Variants in SNTG1 observed in about 807,000 individuals in gnomAD.
SNTG1 encodes the protein syntrophin gamma 1, also known as gamma-1-syntrophin.
In SNTG1, 39 loss-of-function variants were observed where a neutral mutation model predicts 74.7. That is an observed-to-expected ratio of 0.52 (90% CI 0.40 to 0.68). The LOEUF (loss-of-function observed/expected upper bound fraction) is 0.68. Ranked by LOEUF, SNTG1 falls within the 30% of genes least tolerant of loss-of-function variation. SNTG1 has a pLI of 0.00. For missense variants in SNTG1, 685 were observed against 609.5 expected, an observed-to-expected ratio of 1.12 and a Z score of -1.30; for synonymous variants, 254 against 217.1, an observed-to-expected ratio of 1.17 and a Z score of -1.49.
intron 2 of SNTG1, among the ~76,000 whole-genome samples, chr8:50,323,876 C>T (rs960043123): frequency 6.6e-6 from 1 of 152,062 alleles, no homozygotes; most frequent in African/African-American, 2.4e-5. Context: ...TAACAATTTA[C>T]CAGGTGTTCT....
At chr8:50,117,139 A>C (rs2080850433) in intron 1 of SNTG1, among the ~76,000 whole-genome samples, 1 of 151,974 alleles carries the variant, frequency 6.6e-6, no homozygotes. Flanking sequence ...TGCTTGAAAA[A>C]GTTCTAATCA....
At chr8:50,400,409 G>A (rs1347231718) in intron 3 of SNTG1, among the ~76,000 whole-genome samples, 1 of 152,092 alleles carries the variant, frequency 6.6e-6, no homozygotes, top group Non-Finnish European at 1.5e-5. Flanking sequence ...ATCCATTCAT[G>A]TGTTGATGGG....
chr8:50,475,832 GA>G (rs1307881316), intron 8 of SNTG1, among the ~76,000 whole-genome samples: 2 of 152,194 alleles, frequency 1.3e-5, no homozygotes, highest in African/African-American at 4.8e-5. Flanking sequence ...CTTTGGAAAT[GA>G]GGAAAAATTG....
chr8:50,181,118 C>T (rs1804853757), intron 2 of SNTG1, among the ~76,000 whole-genome samples: 1 of 152,112 alleles, frequency 6.6e-6, no homozygotes, highest in Admixed American at 6.5e-5. Context: ...GTACTTCTCC[C>T]TCCTAGTCAC....
intron 2 of SNTG1, among the ~76,000 whole-genome samples, chr8:50,230,791 A>G (rs887824452): frequency 4.0e-5 from 6 of 151,196 alleles, no homozygotes; most frequent in Non-Finnish European, 7.4e-5. Context: ...ACACTGTAAA[A>G]CTACTAGAAG....
At chr8:50,264,574 T>TA (rs202042526) in intron 2 of SNTG1, among the ~76,000 whole-genome samples, 97 of 96,598 alleles carry the variant, frequency 1.0e-3, no homozygotes, top group African/African-American at 1.1e-3. Flanking sequence ...CGTCTCAAAA[T>TA]AAAAAAAAAA....
At chr8:50,388,689 T>A (rs1370191815) in intron 2 of SNTG1, among the ~76,000 whole-genome samples, 1 of 152,164 alleles carries the variant, frequency 6.6e-6, no homozygotes, top group Non-Finnish European at 1.5e-5. Flanking sequence ...GGAGGCAGAA[T>A]TTCTTCTACA....
chr8:50,425,310 G>A (rs1159773904), intron 4 of SNTG1, among the ~76,000 whole-genome samples: 1 of 150,926 alleles, frequency 6.6e-6, no homozygotes, highest in Non-Finnish European at 1.5e-5. Flanking sequence ...ATGCTTTACG[G>A]TCTGAGCTCT....
At chr8:50,207,103 C>T (rs1410903878) in intron 2 of SNTG1, among the ~76,000 whole-genome samples, 1 of 152,120 alleles carries the variant, frequency 6.6e-6, no homozygotes, top group Non-Finnish European at 1.5e-5. Context: ...GGAGGATTCC[C>T]TCTTTTTCTA....
intron 2 of SNTG1, among the ~76,000 whole-genome samples, chr8:50,312,974 T>G (rs1239333898): frequency 6.7e-6 from 1 of 149,770 alleles, no homozygotes; most frequent in African/African-American, 2.5e-5. Context: ...TGTTAAAATG[T>G]CCATACTACC....
chr8:50,331,252 T>C (rs1036512266), intron 2 of SNTG1, among the ~76,000 whole-genome samples: 3 of 152,164 alleles, frequency 2.0e-5, no homozygotes, highest in African/African-American at 7.2e-5. Context: ...AGTGTGTCTT[T>C]ACAGCAGCAC....
At chr8:50,106,527 A>C (rs1360101662) in intron 1 of SNTG1, among the ~76,000 whole-genome samples, 1 of 152,110 alleles carries the variant, frequency 6.6e-6, no homozygotes, top group East Asian at 1.9e-4. Flanking sequence ...TTGCTCATTC[A>C]ATGATGTTGA....
At chr8:50,487,378 C>T (rs889569850) in intron 8 of SNTG1, among the ~76,000 whole-genome samples, 1 of 152,170 alleles carries the variant, frequency 6.6e-6, no homozygotes, top group African/African-American at 2.4e-5. Flanking sequence ...GCTATAAAGA[C>T]ACATGCACAC....
intron 8 of SNTG1, among the ~76,000 whole-genome samples, chr8:50,452,159 GT>G (rs1563406513): frequency 2.0e-5 from 3 of 152,102 alleles, no homozygotes; most frequent in African/African-American, 7.2e-5. Flanking sequence ...ACTAATCAAG[GT>G]TTTTTAGTAT....
At chr8:50,552,635 T>A (rs1394149703) in intron 11 of SNTG1, among the ~76,000 whole-genome samples, 2 of 152,340 alleles carry the variant, frequency 1.3e-5, no homozygotes, top group Middle Eastern at 6.8e-3. Context: ...TTTTATTGCC[T>A]GTTTTTACGA....
intron 15 of SNTG1, among the ~76,000 whole-genome samples, chr8:50,702,558 AT>A (rs1435503223): frequency 6.6e-6 from 1 of 152,252 alleles, no homozygotes; most frequent in Non-Finnish European, 1.5e-5. Context: ...TGGGTGTTTA[AT>A]AATGATACAC....
chr8:50,117,495 TCA>T (rs1385959572), intron 1 of SNTG1, among the ~76,000 whole-genome samples: 3 of 152,118 alleles, frequency 2.0e-5, no homozygotes, highest in South Asian at 4.1e-4. Context: ...AGGGTCTAAT[TCA>T]CACACAGGGA....
At chr8:50,357,803 A>C (rs575866886) in intron 2 of SNTG1, among the ~76,000 whole-genome samples, 220 of 152,308 alleles carry the variant, frequency 1.4e-3, no homozygotes, top group African/African-American at 5.1e-3. Context: ...CAAATGATGA[A>C]ATAAGCTTCA....
intron 2 of SNTG1, among the ~76,000 whole-genome samples, chr8:50,248,187 C>T (rs918366559): frequency 2.6e-5 from 4 of 152,154 alleles, no homozygotes; most frequent in East Asian, 1.9e-4. Context: ...TTCTAAGGAA[C>T]GAGGAGTTAG....
Sources: gnomAD v4.1 joint callset for allele counts (sites outside exome capture counted in the v4.1 genomes callset) on GRCh38, gnomAD v4.1.1 for gene constraint, MANE v1.5 for transcripts, NCBI Gene and HGNC (gene_info 2026-07-23, HGNC 2026-07-21) for gene names.